The following CTNND2 variants were observed in gnomAD, a reference collection of about 807,000 sequenced individuals.
CTNND2 encodes the protein catenin delta-2.
CTNND2 carries 22 observed loss-of-function variants against 144.4 expected under a neutral mutation model. The ratio of observed to expected loss-of-function variants is 0.15; its 90% CI spans 0.11 to 0.22. The LOEUF (loss-of-function observed/expected upper bound fraction) is 0.22, where lower values mean the gene tolerates loss of function less well. Among genes scored for constraint, CTNND2 ranks in the 10% least tolerant of loss-of-function variants. The pLI is 1.00. For synonymous variants in CTNND2, 751 were observed against 695.6 expected (o/e 1.08, Z -1.25); for missense variants, 1,353 against 1,618.8 (o/e 0.84, Z 2.82).
At chr5:11,772,542 C>G (rs4235611) in intron 1 of CTNND2, among the ~76,000 whole-genome samples, 145,686 of 152,306 alleles carry the variant, frequency 0.96, 69,997 homozygotes, top group East Asian at 1. Context: ...AATTCTCAAA[C>G]AGGTGTGTGA....
chr5:11,072,081 T>C (rs1226976870), intron 16 of CTNND2, among the ~76,000 whole-genome samples: 5 of 152,184 alleles, frequency 3.3e-5, no homozygotes, highest in East Asian at 1.9e-4. Context: ...GTGGAGGTAA[T>C]AGTCAATTAA....
intron 1 of CTNND2, among the ~76,000 whole-genome samples, chr5:11,852,209 G>A (rs1324496714): frequency 6.6e-6 from 1 of 152,034 alleles, no homozygotes; most frequent in Non-Finnish European, 1.5e-5. Context: ...GTCACCCAGA[G>A]ACTGACCTCA....
chr5:10,980,374 C>T (rs528688989), intron 21 of CTNND2, among the ~76,000 whole-genome samples: 110 of 152,146 alleles, frequency 7.2e-4, no homozygotes, highest in African/African-American at 2.4e-3. Context: ...GTCAGAATGG[C>T]GATCATTAAA....
At chr5:11,587,451 C>A (rs1436996680) in intron 2 of CTNND2, among the ~76,000 whole-genome samples, 1 of 151,816 alleles carries the variant, frequency 6.6e-6, no homozygotes, top group Non-Finnish European at 1.5e-5. Flanking sequence ...TAATAAGGGC[C>A]TTTCTTCCTC....
Position 11,696,685 on chromosome 5 carries a change from C to A in CTNND2, c.174+35451G>T, listed in dbSNP as rs191497701. Among the ~76,000 whole-genome samples the A allele has an allele frequency of 7.2e-5, 11 of 152,230 alleles. No individual in the cohort carries two copies. The East Asian group carries it at 2.1e-3, about 29-fold the overall frequency. On this transcript the variant is annotated intron_variant, in intron 2 of 21. Coordinates refer to ENST00000304623, the MANE Select transcript of CTNND2 (RefSeq NM_001332.4). ...ATGATACTTAGAGCCAGCATTTACC[C>A]CTCTTTAGTGGTTTTCAGGTTGAGC...
At chr5:11,732,423 C>T (rs6864269) in intron 1 of CTNND2, 151 bp from the exon 2 acceptor site, 3 of 638,450 alleles carry the variant, frequency 4.7e-6, no homozygotes, top group African/African-American at 3.7e-5. Context: ...GGGAGTAATA[C>T]AGTAAAGTAA....
chr5:11,486,038 A>G (rs1768787045), intron 3 of CTNND2, among the ~76,000 whole-genome samples: 1 of 152,216 alleles, frequency 6.6e-6, no homozygotes, highest in South Asian at 2.1e-4. Context: ...AAGAAGAAAA[A>G]AACACCCAAT....
At chr5:11,638,870 C>T (rs368598016) in intron 2 of CTNND2, among the ~76,000 whole-genome samples, 23 of 152,132 alleles carry the variant, frequency 1.5e-4, no homozygotes, top group Non-Finnish European at 2.4e-4. Context: ...CACTGCACCC[C>T]GGCCATAACC....
chr5:11,077,821 G>A (rs1362873230), intron 16 of CTNND2, among the ~76,000 whole-genome samples: 1 of 152,120 alleles, frequency 6.6e-6, no homozygotes, highest in Non-Finnish European at 1.5e-5. Flanking sequence ...TAAAGTCTGC[G>A]AAAATTCAGA....
At chr5:11,496,152 ATG>A (rs1769915714) in intron 3 of CTNND2, among the ~76,000 whole-genome samples, 1 of 152,200 alleles carries the variant, frequency 6.6e-6, no homozygotes, top group Non-Finnish European at 1.5e-5. Flanking sequence ...AAATAGCACC[ATG>A]AATACTCTGC....
intron 18 of CTNND2, among the ~76,000 whole-genome samples, chr5:10,996,014 G>C: frequency 6.6e-6 from 1 of 152,230 alleles, no homozygotes; most frequent in South Asian, 2.1e-4. Context: ...GGGATGTGGA[G>C]TGGTCCTTGA....
At chr5:11,675,796 T>G (rs560127772) in intron 2 of CTNND2, among the ~76,000 whole-genome samples, 80 of 152,112 alleles carry the variant, frequency 5.3e-4, no homozygotes, top group African/African-American at 1.9e-3. Context: ...TTTGTTCATT[T>G]CCTTTCACTC....
intron 5 of CTNND2, among the ~76,000 whole-genome samples, chr5:11,408,622 T>C (rs184652595): frequency 2.0e-4 from 30 of 152,232 alleles, no homozygotes; most frequent in African/African-American, 6.7e-4. Context: ...GATAATTCAG[T>C]ACGTGACAAT....
chr5:11,507,408 T>C (rs1333234219), intron 3 of CTNND2, among the ~76,000 whole-genome samples: 1 of 152,032 alleles, frequency 6.6e-6, no homozygotes, highest in African/African-American at 2.4e-5. Flanking sequence ...GAATGCCTTC[T>C]GAGAGAAGTA....
intron 2 of CTNND2, among the ~76,000 whole-genome samples, chr5:11,672,946 C>T (rs1783980754): frequency 6.6e-6 from 1 of 152,150 alleles, no homozygotes; most frequent in Non-Finnish European, 1.5e-5. Flanking sequence ...CCTGTCCAAC[C>T]AGTCACAATG....
At chr5:11,641,740 ATATACGTGTG>A (rs1244466678) in intron 2 of CTNND2, among the ~76,000 whole-genome samples, 1 of 21,418 alleles carries the variant, frequency 4.7e-5, no homozygotes, top group African/African-American at 9.5e-5. Flanking sequence ...GTGTATATAC[ATATACGTGTG>A]TATGTACATA....
At chr5:11,191,323 A>G (rs113347620) in intron 11 of CTNND2, among the ~76,000 whole-genome samples, 2 of 152,318 alleles carry the variant, frequency 1.3e-5, no homozygotes, top group African/African-American at 4.8e-5. Context: ...CCTGCTAACA[A>G]ACCACAGGAC....
At chr5:11,505,308 A>G (rs2150015570) in intron 3 of CTNND2, among the ~76,000 whole-genome samples, 1 of 152,268 alleles carries the variant, frequency 6.6e-6, no homozygotes. Context: ...AGGCCATATC[A>G]TGGGTGGAGT....
intron 10 of CTNND2, among the ~76,000 whole-genome samples, chr5:11,209,413 C>T (rs1323782005): frequency 2.6e-5 from 4 of 152,052 alleles, no homozygotes; most frequent in East Asian, 1.9e-4. Flanking sequence ...TAGGAGCTAA[C>T]GTGTGATAAA....
Sources: gnomAD v4.1 joint callset for allele counts (sites outside exome capture counted in the v4.1 genomes callset) on GRCh38, gnomAD v4.1.1 for gene constraint, MANE v1.5 for transcripts, NCBI Gene and HGNC (gene_info 2026-07-23, HGNC 2026-07-21) for gene names.